The following AGBL4 variants were observed in gnomAD, a reference collection of about 807,000 sequenced individuals.
AGBL4 encodes the protein cytosolic carboxypeptidase 6.
In AGBL4, 58 loss-of-function variants were observed where a neutral mutation model predicts 66.4. That is an observed-to-expected ratio of 0.87 (90% CI 0.71 to 1.09). The LOEUF (loss-of-function observed/expected upper bound fraction) is 1.09. Ranked by LOEUF, AGBL4 falls within the 50% of genes least tolerant of loss-of-function variation. The probability of loss-of-function intolerance (pLI) is 0.00; values close to 1 mark genes in which losing one functional copy is unlikely to be tolerated. For missense variants in AGBL4, 579 were observed against 631.0 expected, an observed-to-expected ratio of 0.92 and a Z score of 0.88; for synonymous variants, 234 against 222.9, an observed-to-expected ratio of 1.05 and a Z score of -0.44.
chr1:48,796,044 T>C (rs1645666123), intron 6 of AGBL4, among the ~76,000 whole-genome samples: 1 of 152,248 alleles, frequency 6.6e-6, no homozygotes, highest in Non-Finnish European at 1.5e-5. Flanking sequence ...CAAACTGGCC[T>C]TATTCTGGTG....
intron 3 of AGBL4, among the ~76,000 whole-genome samples, chr1:49,558,948 G>T (rs1331444513): frequency 6.6e-6 from 1 of 152,100 alleles, no homozygotes; most frequent in African/African-American, 2.4e-5. Context: ...GACTTTTAAG[G>T]TATTTGACTC....
chr1:50,000,442 G>C (rs1246146344), intron 1 of AGBL4, among the ~76,000 whole-genome samples: 2 of 152,186 alleles, frequency 1.3e-5, no homozygotes, highest in African/African-American at 2.4e-5. Context: ...CGTGGATGTG[G>C]TGAAAAGGGA....
At chr1:49,912,680 A>T (rs1650975691) in intron 1 of AGBL4, among the ~76,000 whole-genome samples, 1 of 152,218 alleles carries the variant, frequency 6.6e-6, no homozygotes, top group Non-Finnish European at 1.5e-5. Flanking sequence ...CAGTTTGCTA[A>T]ATGTCTTAGT....
intron 3 of AGBL4, among the ~76,000 whole-genome samples, chr1:49,658,894 G>C (rs1056297345): frequency 6.6e-6 from 1 of 151,936 alleles, no homozygotes; most frequent in Non-Finnish European, 1.5e-5. Context: ...AGCATTAGGA[G>C]ATATACCTAA....
rs34005960 is a variant in AGBL4, at chr1:49,785,893, A to AAT, written c.157+65501_157+65502dup. ...ACATGAGAAATCCCAGGAAAAAAAA[A>AAT]ATATATATATATATATATATATATT... is the stretch of plus-strand genomic sequence containing the variant. On this transcript the variant is annotated intron_variant, in intron 2 of 13. Coordinates refer to ENST00000371839, the MANE Select transcript of AGBL4 (RefSeq NM_032785.4). 6.8e-3 allele frequency among the ~76,000 whole-genome samples: 953 copies of AAT among 140,890 alleles called. 4 individuals are homozygous for AAT. The highest frequency in any genetic ancestry group is 0.015 in the East Asian group (70 of 4,526). 92.4% of individuals were successfully genotyped at this position (140,890 alleles called of 152,430 possible). A position where few individuals can be genotyped will look rare whatever the true frequency, so the allele number is the denominator to read the frequency against.
At chr1:48,893,087 A>C (rs1037393627) in intron 5 of AGBL4, among the ~76,000 whole-genome samples, 3 of 152,136 alleles carry the variant, frequency 2.0e-5, no homozygotes, top group African/African-American at 7.2e-5. Flanking sequence ...CACCCCTACA[A>C]AAATCGAAGT....
chr1:48,761,254 A>T, intron 6 of AGBL4: 1 of 1,372,978 alleles, frequency 7.3e-7, no homozygotes, highest in Non-Finnish European at 9.8e-7. Flanking sequence ...ACATGGGGAG[A>T]GGAAGCCAGA....
chr1:49,149,104 T>G (rs936620159), intron 4 of AGBL4, among the ~76,000 whole-genome samples: 1 of 152,192 alleles, frequency 6.6e-6, no homozygotes, highest in African/African-American at 2.4e-5. Context: ...AGGTGCTGTC[T>G]CCAGGTTTAC....
chr1:49,249,542 T>C (rs1478624451), intron 3 of AGBL4, among the ~76,000 whole-genome samples: 24 of 152,104 alleles, frequency 1.6e-4, no homozygotes, highest in Admixed American at 1.6e-3. Context: ...GCAATTAGAA[T>C]GGCTATTATC....
At chr1:48,894,522 T>C (rs984925934) in intron 5 of AGBL4, among the ~76,000 whole-genome samples, 2 of 152,166 alleles carry the variant, frequency 1.3e-5, no homozygotes, top group Admixed American at 6.5e-5. Context: ...TTATGTGCAT[T>C]AATACAATAA....
intron 3 of AGBL4, among the ~76,000 whole-genome samples, chr1:49,519,126 C>T (rs1650061818): frequency 6.6e-6 from 1 of 151,972 alleles, no homozygotes; most frequent in Non-Finnish European, 1.5e-5. Context: ...TGGAGAAAGG[C>T]ATTGATATGC....
chr1:48,559,685 C>T (rs567192917), intron 11 of AGBL4, among the ~76,000 whole-genome samples: 9 of 152,242 alleles, frequency 5.9e-5, no homozygotes, highest in South Asian at 4.1e-4. Flanking sequence ...CTAATAAGAT[C>T]GGAAATTTTA....
intron 3 of AGBL4, among the ~76,000 whole-genome samples, chr1:49,551,320 G>A (rs1348281311): frequency 6.6e-6 from 1 of 151,970 alleles, no homozygotes; most frequent in Non-Finnish European, 1.5e-5. Flanking sequence ...TTCTTGTTTT[G>A]GATCCACTGC....
At chr1:49,047,903 C>G (rs1644119140) in intron 4 of AGBL4, among the ~76,000 whole-genome samples, 1 of 151,928 alleles carries the variant, frequency 6.6e-6, no homozygotes, top group Non-Finnish European at 1.5e-5. Flanking sequence ...GGGAAGGAAG[C>G]AGTGAAGAGT....
chr1:49,835,760 A>G (rs1003806769), intron 2 of AGBL4, among the ~76,000 whole-genome samples: 1 of 152,192 alleles, frequency 6.6e-6, no homozygotes, highest in African/African-American at 2.4e-5. Flanking sequence ...CTTGTAAGGC[A>G]GGCCTGGTGG....
intron 5 of AGBL4, among the ~76,000 whole-genome samples, chr1:49,009,268 A>C (rs1243423336): frequency 6.6e-6 from 1 of 151,568 alleles, no homozygotes; most frequent in African/African-American, 2.4e-5. Flanking sequence ...AAATAAACTA[A>C]AAAATCTAGA....
At chr1:49,012,543 C>T (rs769180181) in intron 5 of AGBL4, among the ~76,000 whole-genome samples, 1 of 152,132 alleles carries the variant, frequency 6.6e-6, no homozygotes, top group Admixed American at 6.5e-5. Context: ...ATAATCCAAA[C>T]CCATAGCTCT....
intron 1 of AGBL4, among the ~76,000 whole-genome samples, chr1:49,915,444 G>T (rs954010049): frequency 6.6e-6 from 1 of 152,128 alleles, no homozygotes; most frequent in African/African-American, 2.4e-5. Context: ...TATATCCCGC[G>T]CCTGGCTTGG....
chr1:50,017,167 A>T lies in AGBL4; in HGVS notation c.34+6596T>A, dbSNP rs376351732. On this transcript the variant is annotated intron_variant, in intron 1 of 13. Coordinates refer to ENST00000371839, the MANE Select transcript of AGBL4 (RefSeq NM_032785.4). ...AGCAACCACATCTATAATTCTCATG[A>T]TAGCTATCATTTCCAATAACCTGTC... 2.6e-4 allele frequency: 40 copies of T among 152,272 alleles called. 1 individual carries two copies. The highest frequency in any genetic ancestry group is 9.1e-4 in the African/African-American group (38 of 41,556). 9.4% of individuals were successfully genotyped at this position (152,272 alleles called of 1,614,324 possible).
Sources: allele counts gnomAD v4.1 joint callset (sites outside exome capture counted in the v4.1 genomes callset), GRCh38; gene constraint gnomAD v4.1.1; transcripts MANE v1.5; gene names NCBI Gene and HGNC (gene_info 2026-07-23, HGNC 2026-07-21).